CSMD3: variants seen among roughly 807,000 people sequenced by gnomAD.
The protein encoded by CSMD3 is CUB and sushi domain-containing protein 3.
A neutral mutation model predicts 435.2 loss-of-function variants in CSMD3; 177 were observed. That is an observed-to-expected ratio of 0.41 (90% CI 0.36 to 0.46). The LOEUF (loss-of-function observed/expected upper bound fraction) is 0.46. Ranked by LOEUF, CSMD3 falls within the 20% of genes least tolerant of loss-of-function variation. CSMD3 has a pLI of 0.34. For synonymous variants in CSMD3, 1,656 were observed against 1,520.5 expected (o/e 1.09, Z -2.07); for missense variants, 4,265 against 4,504.6 (o/e 0.95, Z 1.52).
At chr8:112,745,974 C>T (rs753022082) in intron 13 of CSMD3, among the ~76,000 whole-genome samples, 6 of 151,966 alleles carry the variant, frequency 3.9e-5, no homozygotes, top group Non-Finnish European at 7.4e-5. Context: ...GAAAATAAAT[C>T]GATGGGCAGT....
At chr8:113,062,402 C>T (rs2088654922) in intron 5 of CSMD3, among the ~76,000 whole-genome samples, 1 of 151,748 alleles carries the variant, frequency 6.6e-6, no homozygotes, top group African/African-American at 2.4e-5. Context: ...AGAAACAGTT[C>T]AGTATATTTT....
At chr8:112,609,359 C>T (rs1233410051) in intron 22 of CSMD3, among the ~76,000 whole-genome samples, 1 of 151,778 alleles carries the variant, frequency 6.6e-6, no homozygotes, top group Non-Finnish European at 1.5e-5. Flanking sequence ...CTAGACGTTT[C>T]AGTAGACATG....
intron 13 of CSMD3, among the ~76,000 whole-genome samples, chr8:112,728,613 C>T (rs2077013406): frequency 6.6e-6 from 1 of 150,840 alleles, no homozygotes; most frequent in East Asian, 1.9e-4. Flanking sequence ...GCCCCTTCTT[C>T]TCCTCCTCCC....
chr8:113,230,129 T>G (rs2093068937), intron 3 of CSMD3, among the ~76,000 whole-genome samples: 1 of 151,674 alleles, frequency 6.6e-6, no homozygotes, highest in South Asian at 2.1e-4. Context: ...TTTAAGTTAA[T>G]ACATGGATAG....
intron 27 of CSMD3, among the ~76,000 whole-genome samples, chr8:112,527,623 T>C (rs1399423894): frequency 6.6e-6 from 1 of 151,916 alleles, no homozygotes; most frequent in Non-Finnish European, 1.5e-5. Context: ...TTTAGGTAGG[T>C]GCACAAGGTA....
chr8:112,604,780 CAA>C (rs948556205), intron 22 of CSMD3, among the ~76,000 whole-genome samples: 3 of 152,030 alleles, frequency 2.0e-5, no homozygotes, highest in Non-Finnish European at 4.4e-5. Flanking sequence ...CAAAAATTAA[CAA>C]AGAGGACCTA....
At chr8:113,407,778 T>A (rs1305194421) in intron 1 of CSMD3, among the ~76,000 whole-genome samples, 1 of 152,148 alleles carries the variant, frequency 6.6e-6, no homozygotes, top group East Asian at 1.9e-4. Context: ...CAAAAGATGC[T>A]TATTAAATTA....
chr8:113,022,720 C>G (rs2131190675), intron 5 of CSMD3, among the ~76,000 whole-genome samples: 1 of 151,598 alleles, frequency 6.6e-6, no homozygotes, highest in African/African-American at 2.4e-5. Context: ...TTCCCTAATA[C>G]TCTAGTTATT....
chr8:112,307,626 C>T (rs1821572620), intron 50 of CSMD3, among the ~76,000 whole-genome samples: 1 of 152,044 alleles, frequency 6.6e-6, no homozygotes, highest in Non-Finnish European at 1.5e-5. Flanking sequence ...AATATTTATA[C>T]ATATCTCCAC....
chr8:112,471,495 C>T (rs1054902854), intron 32 of CSMD3, among the ~76,000 whole-genome samples: 2 of 152,110 alleles, frequency 1.3e-5, no homozygotes, highest in African/African-American at 4.8e-5. Context: ...AAAACAGACA[C>T]TTTGCTAATG....
chr8:112,244,678 A>G (rs1814529096), intron 64 of CSMD3, 105 bp from the exon 65 acceptor site: 3 of 740,338 alleles, frequency 4.1e-6, no homozygotes, highest in Non-Finnish European at 4.6e-6. Flanking sequence ...GCCTTTATAT[A>G]CATATATCTT....
At chr8:113,410,868 G>A (rs1176449978) in intron 1 of CSMD3, among the ~76,000 whole-genome samples, 2 of 138,070 alleles carry the variant, frequency 1.4e-5, no homozygotes, top group Admixed American at 7.5e-5. Flanking sequence ...TCATGCTACT[G>A]TACTCCAGCC....
At chr8:112,796,592 T>G (rs1329359064) in intron 13 of CSMD3, among the ~76,000 whole-genome samples, 1 of 152,056 alleles carries the variant, frequency 6.6e-6, no homozygotes, top group Non-Finnish European at 1.5e-5. Context: ...TCAATGTTAA[T>G]GGATGTTAAT....
intron 27 of CSMD3, among the ~76,000 whole-genome samples, chr8:112,535,009 T>C (rs1825920807): frequency 6.6e-6 from 1 of 152,116 alleles, no homozygotes; most frequent in South Asian, 2.1e-4. Context: ...CTCAATAAAT[T>C]AGGTATTGAT....
At chr8:112,630,319 G>C (rs2074478373) in intron 22 of CSMD3, among the ~76,000 whole-genome samples, 1 of 151,954 alleles carries the variant, frequency 6.6e-6, no homozygotes, top group Admixed American at 6.6e-5. Context: ...AGTCCAGCTA[G>C]GAAAAAAGAG....
chr8:113,035,952 A>G (rs1403197305), intron 5 of CSMD3, among the ~76,000 whole-genome samples: 1 of 152,022 alleles, frequency 6.6e-6, no homozygotes, highest in Non-Finnish European at 1.5e-5. Flanking sequence ...CATTCTCAAT[A>G]CATTCCATTC....
At chr8:113,017,833 C>T (rs2086526985) in intron 6 of CSMD3, among the ~76,000 whole-genome samples, 1 of 151,904 alleles carries the variant, frequency 6.6e-6, no homozygotes, top group Non-Finnish European at 1.5e-5. Flanking sequence ...TTCAAGTTAC[C>T]ATGCCTAAAC....
chr8:112,535,696 A>C (rs1826006085), intron 27 of CSMD3, among the ~76,000 whole-genome samples: 1 of 152,156 alleles, frequency 6.6e-6, no homozygotes, highest in Non-Finnish European at 1.5e-5. Flanking sequence ...GGAACCAAAA[A>C]AGAGCCCGCA....
chr8:113,053,450 T>G (rs1326572861), intron 5 of CSMD3, among the ~76,000 whole-genome samples: 1 of 152,092 alleles, frequency 6.6e-6, no homozygotes, highest in Non-Finnish European at 1.5e-5. Context: ...CATATATAAA[T>G]AATTATATGT....
Sources: gnomAD v4.1 joint callset for allele counts (sites outside exome capture counted in the v4.1 genomes callset) on GRCh38, gnomAD v4.1.1 for gene constraint, MANE v1.5 for transcripts, NCBI Gene and HGNC (gene_info 2026-07-23, HGNC 2026-07-21) for gene names.